WDR70: variants seen among roughly 807,000 people sequenced by gnomAD.
WDR70 encodes the protein WD repeat domain 70.
A neutral mutation model predicts 88.6 loss-of-function variants in WDR70; 53 were observed. The ratio of observed to expected loss-of-function variants is 0.60; its 90% CI spans 0.48 to 0.75. The LOEUF (loss-of-function observed/expected upper bound fraction) is 0.75. Ranked by LOEUF, WDR70 falls within the 30% of genes least tolerant of loss-of-function variation. The pLI is 0.00. For missense variants in WDR70, 610 were observed against 823.2 expected, an observed-to-expected ratio of 0.74 and a Z score of 3.17; for synonymous variants, 280 against 270.0, an observed-to-expected ratio of 1.04 and a Z score of -0.36.
At chr5:37,516,719 A>G (rs1229028656) in intron 9 of WDR70, 129 bp downstream of exon 9, 4 of 157,552 alleles carry the variant, frequency 2.5e-5, no homozygotes, top group Non-Finnish European at 4.3e-5. Flanking sequence ...ATACATATAT[A>G]TATATATTTT....
intron 9 of WDR70, among the ~76,000 whole-genome samples, chr5:37,603,607 C>T (rs1227976626): frequency 5.3e-5 from 8 of 152,054 alleles, no homozygotes; most frequent in Non-Finnish European, 1.0e-4. Flanking sequence ...TGGGCAAAAG[C>T]GATTGCATTG....
rs546733759 is a variant in WDR70 at position 37,534,864 on chromosome 5, C to A, written c.917+18274C>A. ...CTCCCATTATATATATTCTTTACAA[C>A]CTTTTAGAGAAATCTGCCAGTAATA... On this transcript the variant is annotated intron_variant, in intron 9 of 17. Coordinates refer to ENST00000265107, the MANE Select transcript of WDR70 (RefSeq NM_018034.4). Among the ~76,000 whole-genome samples, 12 of 152,100 alleles carry A rather than the reference C, an allele frequency of 7.9e-5. No individual in the cohort carries two copies. In the South Asian group the frequency reaches 2.3e-3, roughly 29 times the overall value.
chr5:37,460,728 A>G (rs1366517287), intron 7 of WDR70, among the ~76,000 whole-genome samples: 1 of 147,998 alleles, frequency 6.8e-6, no homozygotes, highest in Non-Finnish European at 1.5e-5. Context: ...AAAAATAAAA[A>G]CAAAAAGAAA....
At chr5:37,642,327 C>T (rs1745126021) in intron 10 of WDR70, among the ~76,000 whole-genome samples, 1 of 152,016 alleles carries the variant, frequency 6.6e-6, no homozygotes, top group African/African-American at 2.4e-5. Flanking sequence ...TTCTTATTGA[C>T]TGAAGATAGT....
At chr5:37,586,874 A>G (rs1368213348) in intron 9 of WDR70, among the ~76,000 whole-genome samples, 1 of 152,020 alleles carries the variant, frequency 6.6e-6, no homozygotes, top group Non-Finnish European at 1.5e-5. Flanking sequence ...GACCCTATAC[A>G]ACAAGATTCT....
chr5:37,389,655 G>A (rs777513022), intron 3 of WDR70, among the ~76,000 whole-genome samples: 1 of 152,000 alleles, frequency 6.6e-6, no homozygotes, highest in African/African-American at 2.4e-5. Context: ...CTCGTGATCC[G>A]CCTGCCTGGG....
chr5:37,727,894 A>G (rs1748025764), intron 17 of WDR70, among the ~76,000 whole-genome samples: 1 of 152,140 alleles, frequency 6.6e-6, no homozygotes, highest in South Asian at 2.1e-4. Context: ...CAGTTTCTAA[A>G]TTTTTAAACT....
chr5:37,700,684 A>G (rs551617921), intron 11 of WDR70, among the ~76,000 whole-genome samples: 102 of 152,326 alleles, frequency 6.7e-4, no homozygotes, highest in African/African-American at 2.3e-3. Context: ...GAAGTAACGT[A>G]TGCTCAAATA....
intron 9 of WDR70, among the ~76,000 whole-genome samples, chr5:37,602,838 G>A (rs573448471): frequency 1.4e-4 from 21 of 151,756 alleles, no homozygotes; most frequent in Middle Eastern, 3.5e-3. Context: ...TTAGCCAGGC[G>A]TGGTGGCATG....
intron 11 of WDR70, 59 bp from the exon 12 acceptor site, chr5:37,700,999 C>T (rs1747144455): frequency 1.4e-5 from 15 of 1,051,026 alleles, no homozygotes; most frequent in Non-Finnish European, 2.2e-5. Flanking sequence ...AAACTGGGAG[C>T]GAGTTCTTTT....
At chr5:37,616,316 C>T (rs1430051319) in intron 10 of WDR70, among the ~76,000 whole-genome samples, 1 of 152,088 alleles carries the variant, frequency 6.6e-6, no homozygotes, top group Non-Finnish European at 1.5e-5. Context: ...CCATGTTGGC[C>T]AGGCTGGTCT....
chr5:37,588,513 C>T (rs1743429296), intron 9 of WDR70, among the ~76,000 whole-genome samples: 1 of 151,980 alleles, frequency 6.6e-6, no homozygotes, highest in African/African-American at 2.4e-5. Flanking sequence ...GCTCATCTTC[C>T]TTGCTCCCTC....
intron 17 of WDR70, among the ~76,000 whole-genome samples, chr5:37,736,769 T>C (rs933164221): frequency 2.0e-5 from 3 of 152,082 alleles, no homozygotes; most frequent in African/African-American, 7.2e-5. Context: ...TGCACACTTA[T>C]GTTTGGTAAT....
chr5:37,455,431 G>A (rs1738801102), intron 7 of WDR70, among the ~76,000 whole-genome samples: 1 of 151,012 alleles, frequency 6.6e-6, no homozygotes, highest in Non-Finnish European at 1.5e-5. Flanking sequence ...TAGTAGAGAC[G>A]GGGTTTCACC....
At chr5:37,563,741 C>A (rs1465093297) in intron 9 of WDR70, among the ~76,000 whole-genome samples, 1 of 132,732 alleles carries the variant, frequency 7.5e-6, no homozygotes, top group Non-Finnish European at 1.7e-5. Flanking sequence ...GGGTGGCTGC[C>A]GGGCGGAGAT....
intron 10 of WDR70, among the ~76,000 whole-genome samples, chr5:37,606,110 G>A (rs1395955681): frequency 6.6e-6 from 1 of 151,994 alleles, no homozygotes; most frequent in Non-Finnish European, 1.5e-5. Flanking sequence ...AAATATATAT[G>A]CATATATTCC....
chr5:37,549,353 T>G (rs1742079503), intron 9 of WDR70, among the ~76,000 whole-genome samples: 1 of 152,190 alleles, frequency 6.6e-6, no homozygotes, highest in African/African-American at 2.4e-5. Flanking sequence ...ATCTTTTACT[T>G]CTTTGGTTAA....
intron 5 of WDR70, among the ~76,000 whole-genome samples, chr5:37,434,467 G>A (rs879852009): frequency 3.9e-5 from 6 of 152,142 alleles, no homozygotes; most frequent in Admixed American, 3.3e-4. Context: ...AGAAAATAGC[G>A]CTCATTTTCA....
chr5:37,421,986 C>A (rs1324919590), intron 5 of WDR70, among the ~76,000 whole-genome samples: 1 of 151,766 alleles, frequency 6.6e-6, no homozygotes, highest in African/African-American at 2.4e-5. Flanking sequence ...TCCCAGGAAG[C>A]CAGGTCGCTA....
Sources: gnomAD v4.1 joint callset for allele counts (sites outside exome capture counted in the v4.1 genomes callset) on GRCh38, gnomAD v4.1.1 for gene constraint, MANE v1.5 for transcripts, NCBI Gene and HGNC (gene_info 2026-07-23, HGNC 2026-07-21) for gene names.